The following LRRC4C variants were observed in gnomAD, a reference collection of about 807,000 sequenced individuals.
LRRC4C encodes the protein leucine rich repeat containing 4C.
LRRC4C carries 5 observed loss-of-function variants against 33.6 expected under a neutral mutation model. The observed-to-expected ratio is 0.15, with a 90% CI of 0.08 to 0.31. The LOEUF is 0.31. LRRC4C is among the 10% of genes least tolerant of loss of function. LRRC4C has a pLI of 1.00. For synonymous variants in LRRC4C, 329 were observed against 302.0 expected (o/e 1.09, Z -0.93); for missense variants, 560 against 796.7 (o/e 0.70, Z 3.58).
intron 3 of LRRC4C, among the ~76,000 whole-genome samples, chr11:40,368,237 T>C (rs76554107): frequency 0.032 from 4,817 of 152,214 alleles, 238 homozygotes; most frequent in African/African-American, 0.1. Flanking sequence ...GGCGATACAA[T>C]ATACTTTGGG....
At chr11:40,196,954 G>A (rs1390917189) in intron 5 of LRRC4C, among the ~76,000 whole-genome samples, 1 of 152,140 alleles carries the variant, frequency 6.6e-6, no homozygotes, top group Non-Finnish European at 1.5e-5. Flanking sequence ...TTCTTACTGG[G>A]TAAAATTGCT....
At chr11:40,485,925 T>G (rs528952460) in intron 3 of LRRC4C, among the ~76,000 whole-genome samples, 1 of 152,074 alleles carries the variant, frequency 6.6e-6, no homozygotes, top group Non-Finnish European at 1.5e-5. Flanking sequence ...TTCTCACTTA[T>G]AAGTGGGAGC....
chr11:40,251,144 T>C (rs1018190998), intron 4 of LRRC4C, among the ~76,000 whole-genome samples: 1 of 152,208 alleles, frequency 6.6e-6, no homozygotes, highest in Non-Finnish European at 1.5e-5. Context: ...TGAGAACCAA[T>C]GTACATAATC....
chr11:41,084,661 C>T (rs140169765), intron 1 of LRRC4C, among the ~76,000 whole-genome samples: 3 of 152,070 alleles, frequency 2.0e-5, no homozygotes, highest in African/African-American at 7.2e-5. Context: ...CCAGCCTGGC[C>T]AACATGGTGA....
At chr11:41,262,034 A>T (rs1458869589) in intron 1 of LRRC4C, among the ~76,000 whole-genome samples, 1 of 152,094 alleles carries the variant, frequency 6.6e-6, no homozygotes, top group Non-Finnish European at 1.5e-5. Context: ...CCTGGAATAG[A>T]AGCAGGATTC....
At chr11:40,637,694 T>A (rs998592665) in intron 3 of LRRC4C, among the ~76,000 whole-genome samples, 4 of 152,182 alleles carry the variant, frequency 2.6e-5, no homozygotes, top group African/African-American at 9.7e-5. Flanking sequence ...TCAAAATATA[T>A]ATAGAATCCA....
rs546938542 is a variant in LRRC4C at position 41,270,011 on chromosome 11, G to A, written c.-496+189420C>T. Among the ~76,000 whole-genome samples, 20 of 152,184 alleles carry A rather than the reference G, an allele frequency of 1.3e-4. No homozygotes were observed. The South Asian group carries it at 4.2e-3, about 32-fold the overall frequency. ...TATTAGTAAGAAATATTTAGCGGGG[G>A]ATTGGTTGAATCTCTCTGAGCCTCA... On this transcript the variant is annotated intron_variant, in intron 1 of 6. Coordinates refer to ENST00000528697, the MANE Select transcript of LRRC4C (RefSeq NM_001258419.2).
intron 2 of LRRC4C, among the ~76,000 whole-genome samples, chr11:40,681,025 A>C (rs922938670): frequency 1.3e-5 from 2 of 152,304 alleles, no homozygotes; most frequent in Non-Finnish European, 2.9e-5. Context: ...ATACAATCAG[A>C]TATTGACCTA....
chr11:40,669,967 A>G (rs1259878712), intron 2 of LRRC4C, among the ~76,000 whole-genome samples: 4 of 152,178 alleles, frequency 2.6e-5, no homozygotes, highest in Non-Finnish European at 5.9e-5. Context: ...CAACCACATA[A>G]TAGTCTCATT....
chr11:41,363,254 A>G (rs1256218388), intron 1 of LRRC4C, among the ~76,000 whole-genome samples: 1 of 152,182 alleles, frequency 6.6e-6, no homozygotes, highest in Non-Finnish European at 1.5e-5. Flanking sequence ...CTGAGTCTTG[A>G]GTCATCCACC....
At chr11:41,443,821 C>T (rs1230153325) in intron 1 of LRRC4C, among the ~76,000 whole-genome samples, 1 of 148,248 alleles carries the variant, frequency 6.7e-6, no homozygotes, top group African/African-American at 2.5e-5. Context: ...TGGGGTTTCA[C>T]CATGTTGGCC....
chr11:41,255,690 T>A (rs1397845671), intron 1 of LRRC4C, among the ~76,000 whole-genome samples: 1 of 151,646 alleles, frequency 6.6e-6, no homozygotes, highest in Non-Finnish European at 1.5e-5. Flanking sequence ...CCTGGAAAAA[T>A]TGAGAATAAG....
intron 2 of LRRC4C, among the ~76,000 whole-genome samples, chr11:40,856,422 A>T (rs1591904078): frequency 6.6e-6 from 1 of 152,196 alleles, no homozygotes; most frequent in Non-Finnish European, 1.5e-5. Flanking sequence ...CTTGGACAAG[A>T]GAAAAAATTG....
At chr11:40,165,460 C>T (rs141368314) in intron 5 of LRRC4C, among the ~76,000 whole-genome samples, 87 of 152,188 alleles carry the variant, frequency 5.7e-4, no homozygotes, top group African/African-American at 2.0e-3. Flanking sequence ...AAATTATCCT[C>T]TTCAAAGGCT....
At chr11:40,356,165 T>A (rs1947661995) in intron 3 of LRRC4C, among the ~76,000 whole-genome samples, 1 of 152,138 alleles carries the variant, frequency 6.6e-6, no homozygotes, top group African/African-American at 2.4e-5. Context: ...AGTTATGTGG[T>A]CTTTGCCAAT....
intron 2 of LRRC4C, among the ~76,000 whole-genome samples, chr11:40,721,265 T>A (rs1461513953): frequency 6.6e-6 from 1 of 152,134 alleles, no homozygotes; most frequent in South Asian, 2.1e-4. Flanking sequence ...AGGGCCCTCA[T>A]TAGAAGAAGC....
At chr11:41,409,793 T>C (rs1954390325) in intron 1 of LRRC4C, among the ~76,000 whole-genome samples, 1 of 152,210 alleles carries the variant, frequency 6.6e-6, no homozygotes, top group Admixed American at 6.5e-5. Context: ...CTGATTTTGG[T>C]AGATATGACT....
intron 1 of LRRC4C, among the ~76,000 whole-genome samples, chr11:41,005,006 A>ATTATTATTATTATTATT (rs371065177): frequency 5.3e-5 from 8 of 151,394 alleles, no homozygotes; most frequent in African/African-American, 1.9e-4. Context: ...TTATTATTAT[A>ATTATTATTATTATTATT]ATTATTACAG....
At position 41,341,870 on chromosome 11, in the gene LRRC4C, G is replaced by A. The variant is rs141592926; in HGVS notation, c.-496+117561C>T. On this transcript the variant is annotated intron_variant, in intron 1 of 6. Transcript: ENST00000528697. Reference sequence around the variant, plus strand: ...AAATAAATATAGCTCTGTTGTCTTTGGCTTTGACCAGGTAACTCACGTTTT... The same window carrying A: ...AAATAAATATAGCTCTGTTGTCTTTAGCTTTGACCAGGTAACTCACGTTTT... 1.3e-3 allele frequency among the ~76,000 whole-genome samples: 202 copies of A among 152,210 alleles called. 1 individual carries two copies. The Middle Eastern group carries it at 0.02, about 15-fold the overall frequency.
Sources: allele counts gnomAD v4.1 joint callset (sites outside exome capture counted in the v4.1 genomes callset), GRCh38; gene constraint gnomAD v4.1.1; transcripts MANE v1.5; gene names NCBI Gene and HGNC (gene_info 2026-07-23, HGNC 2026-07-21).